Variants in NRCAM observed in about 807,000 individuals in gnomAD.
The protein encoded by NRCAM is neuronal cell adhesion molecule.
In NRCAM, 83 loss-of-function variants were observed where a neutral mutation model predicts 156.5. The ratio of observed to expected loss-of-function variants is 0.53; its 90% CI spans 0.44 to 0.64. The LOEUF (loss-of-function observed/expected upper bound fraction) is 0.64, where lower values mean the gene tolerates loss of function less well. Ranked by LOEUF, NRCAM falls within the 30% of genes least tolerant of loss-of-function variation. The pLI is 0.00. For missense variants in NRCAM, 1,417 were observed against 1,597.3 expected (o/e 0.89, Z 1.92); for synonymous variants, 538 against 563.9 (o/e 0.95, Z 0.65).
rs547044398 is a variant in NRCAM at position 108,184,421 on chromosome 7, G to A, written c.2229C>T (p.Ala743=). 1.2e-6 allele frequency: 2 copies of A among 1,614,132 alleles called. No individual in the cohort carries two copies. The highest frequency in any genetic ancestry group is 1.3e-5 in the African/African-American group (1 of 75,042). ...AGTCCCGCTTTCCCGCTTTACCTGA[G>A]GCTTTCGTCAAATACTGCTCAGACG... The part of the protein sequence containing the change: ...SEASEQYLTK[A]SEPDKNPTAV... Residue 743 remains alanine, a synonymous_variant, in exon 21 of 33, where the codon GCC becomes GCT. Coordinates refer to ENST00000379028, the MANE Select transcript of NRCAM (RefSeq NM_001037132.4).
At chr7:108,321,482 A>G (rs1452524955) in intron 2 of NRCAM, among the ~76,000 whole-genome samples, 1 of 152,214 alleles carries the variant, frequency 6.6e-6, no homozygotes, top group East Asian at 1.9e-4. Context: ...GAGGGCACCA[A>G]GCCATTTATG....
chr7:108,216,933 T>C (rs2089368962), intron 11 of NRCAM, among the ~76,000 whole-genome samples: 2 of 152,180 alleles, frequency 1.3e-5, no homozygotes, highest in South Asian at 2.1e-4. Context: ...TCAAACTCAT[T>C]TTCTGTCCAG....
At chr7:108,299,004 G>A (rs143526193) in intron 3 of NRCAM, among the ~76,000 whole-genome samples, 2,321 of 147,308 alleles carry the variant, frequency 0.016, 65 homozygotes, top group African/African-American at 0.056. Flanking sequence ...TACTTGGGAG[G>A]CTGAGGCAGA....
intron 10 of NRCAM, 93 bp from the exon 11 acceptor site, chr7:108,223,929 C>G (rs1371279021): frequency 1.3e-5 from 9 of 675,560 alleles, no homozygotes; most frequent in Admixed American, 7.1e-5. Flanking sequence ...AATTCCAATC[C>G]CTTTTTAAGC....
chr7:108,187,324 T>C (rs2067526440), intron 20 of NRCAM, among the ~76,000 whole-genome samples: 1 of 152,158 alleles, frequency 6.6e-6, no homozygotes, highest in Non-Finnish European at 1.5e-5. Flanking sequence ...ACTTTCCCTT[T>C]TTCATTTCAC....
At chr7:108,193,905 G>T in intron 17 of NRCAM, 119 bp downstream of exon 17, 1 of 939,234 alleles carries the variant, frequency 1.1e-6, no homozygotes, top group Non-Finnish European at 1.6e-6. Flanking sequence ...TCTCTATTTT[G>T]GAGACAGCAG....
At chr7:108,429,800 T>C (rs1402650040) in intron 1 of NRCAM, among the ~76,000 whole-genome samples, 4 of 152,208 alleles carry the variant, frequency 2.6e-5, no homozygotes, top group African/African-American at 7.2e-5. Context: ...AAGAAAATTA[T>C]GCAGTATTTA....
chr7:108,408,435 G>C (rs1465216349), intron 1 of NRCAM, among the ~76,000 whole-genome samples: 1 of 152,170 alleles, frequency 6.6e-6, no homozygotes, highest in East Asian at 1.9e-4. Flanking sequence ...AGGAGGTTTT[G>C]CTCTATTTGC....
chr7:108,278,437 A>C (rs1245018248), intron 3 of NRCAM, among the ~76,000 whole-genome samples: 3 of 152,216 alleles, frequency 2.0e-5, no homozygotes, highest in Non-Finnish European at 4.4e-5. Flanking sequence ...CGGTGAGCAC[A>C]GAACCAGCTA....
chr7:108,301,985 C>T, intron 3 of NRCAM, among the ~76,000 whole-genome samples: 1 of 151,434 alleles, frequency 6.6e-6, no homozygotes, highest in East Asian at 1.9e-4. Flanking sequence ...AAATGTTTCA[C>T]AGAAATATCA....
chr7:108,193,579 G>C (rs1273476540), intron 17 of NRCAM, among the ~76,000 whole-genome samples: 1 of 151,986 alleles, frequency 6.6e-6, no homozygotes, highest in Non-Finnish European at 1.5e-5. Context: ...ACTGGCTTTA[G>C]GTAAAATCAA....
chr7:108,369,429 T>G (rs1265648573), intron 2 of NRCAM, among the ~76,000 whole-genome samples: 1 of 152,146 alleles, frequency 6.6e-6, no homozygotes, highest in Non-Finnish European at 1.5e-5. Context: ...TTTGAAAGTA[T>G]TTTCCTTTAA....
intron 3 of NRCAM, among the ~76,000 whole-genome samples, chr7:108,271,942 AG>A (rs2097368779): frequency 6.6e-6 from 1 of 152,228 alleles, no homozygotes; most frequent in Admixed American, 6.5e-5. Flanking sequence ...CAGAGAGTTC[AG>A]CCACACTAGC....
intron 30 of NRCAM, among the ~76,000 whole-genome samples, chr7:108,162,818 T>C (rs1184042771): frequency 1.3e-5 from 2 of 152,186 alleles, no homozygotes; most frequent in African/African-American, 4.8e-5. Context: ...CACACACAAG[T>C]ACACCAGAAA....
chr7:108,360,689 T>C (rs1040732230), intron 2 of NRCAM, among the ~76,000 whole-genome samples: 2 of 152,162 alleles, frequency 1.3e-5, no homozygotes, highest in African/African-American at 4.8e-5. Context: ...AACAAACCCT[T>C]ACATTTATGG....
Position 108,257,236 on chromosome 7 carries a change from T to C in NRCAM, c.-106-17066A>G, listed in dbSNP as rs2096719507. On this transcript the variant is annotated intron_variant, in intron 3 of 32. Coordinates refer to ENST00000379028, the MANE Select transcript of NRCAM (RefSeq NM_001037132.4). ...TATAAACAGGCAGGAGGGAACTTTG[T>C]CAGTCGACAGTCATGTTCTGTAGCT... 2.6e-5 allele frequency among the ~76,000 whole-genome samples: 4 copies of C among 152,142 alleles called. No individual in the cohort carries two copies. In the South Asian group the frequency reaches 8.3e-4, roughly 31 times the overall value.
At chr7:108,344,024 T>C (rs542708521) in intron 2 of NRCAM, among the ~76,000 whole-genome samples, 1 of 152,292 alleles carries the variant, frequency 6.6e-6, no homozygotes, top group African/African-American at 2.4e-5. Flanking sequence ...CATGCTCTGA[T>C]GTTAATGACA....
intron 1 of NRCAM, among the ~76,000 whole-genome samples, chr7:108,427,082 C>A (rs921854571): frequency 1.3e-5 from 2 of 152,176 alleles, no homozygotes; most frequent in African/African-American, 4.8e-5. Flanking sequence ...CACGAACATG[C>A]CTTTCCTCTA....
intron 13 of NRCAM, among the ~76,000 whole-genome samples, chr7:108,202,555 A>G (rs894012746): frequency 6.6e-6 from 1 of 152,224 alleles, no homozygotes; most frequent in African/African-American, 2.4e-5. Context: ...GGCATAATGT[A>G]GAACACATTT....
Sources: allele counts gnomAD v4.1 joint callset (sites outside exome capture counted in the v4.1 genomes callset), GRCh38; gene constraint gnomAD v4.1.1; transcripts MANE v1.5; gene names NCBI Gene and HGNC (gene_info 2026-07-23, HGNC 2026-07-21).